RELN: variants seen among roughly 807,000 people sequenced by gnomAD.
RELN encodes reelin.
RELN carries 108 observed loss-of-function variants against 427.6 expected under a neutral mutation model. The ratio of observed to expected loss-of-function variants is 0.25; its 90% CI spans 0.22 to 0.30. The LOEUF is 0.30. RELN is among the 10% of genes least tolerant of loss of function. The pLI is 1.00. For missense variants in RELN, 3,715 were observed against 4,302.8 expected (o/e 0.86, Z 3.82); for synonymous variants, 1,524 against 1,513.4 (o/e 1.01, Z -0.16).
intron 6 of RELN, among the ~76,000 whole-genome samples, chr7:103,744,362 G>A (rs1302719895): frequency 1.3e-5 from 2 of 151,958 alleles, no homozygotes; most frequent in South Asian, 2.1e-4. Flanking sequence ...AACTAGAAAA[G>A]CAAGAGCAAA....
intron 8 of RELN, among the ~76,000 whole-genome samples, chr7:103,713,948 C>T (rs1314244418): frequency 1.3e-5 from 2 of 152,154 alleles, no homozygotes; most frequent in African/African-American, 4.8e-5. Context: ...TATTAGCTCT[C>T]TTGACCCACG....
intron 11 of RELN, among the ~76,000 whole-genome samples, chr7:103,665,995 A>G (rs1833256978): frequency 6.6e-6 from 1 of 151,758 alleles, no homozygotes; most frequent in African/African-American, 2.4e-5. Context: ...TTTTACCTTT[A>G]TAGTTAATAC....
intron 2 of RELN, among the ~76,000 whole-genome samples, chr7:103,853,761 A>G (rs1338513784): frequency 6.6e-6 from 1 of 152,008 alleles, no homozygotes; most frequent in Non-Finnish European, 1.5e-5. Context: ...ACATGAGTTT[A>G]TTATATAATT....
At chr7:103,609,804 T>C (rs1831907125) in intron 22 of RELN, among the ~76,000 whole-genome samples, 1 of 152,220 alleles carries the variant, frequency 6.6e-6, no homozygotes, top group Admixed American at 6.5e-5. Context: ...AGAGCGATTG[T>C]TAGGCAGATA....
chr7:103,500,490 A>AC (rs1197214521), intron 53 of RELN, among the ~76,000 whole-genome samples: 2 of 152,194 alleles, frequency 1.3e-5, no homozygotes, highest in Non-Finnish European at 1.5e-5. Context: ...GAAAAAAAAA[A>AC]GAAACCCAGA....
chr7:103,564,324 G>A lies in RELN; in HGVS notation c.5210+954C>T, dbSNP rs184222421. ...CCACTATAAACACTTAACACAGAAA[G>A]AAATTAGTGCAAGGAATTGGATGTA... On this transcript the variant is annotated intron_variant, in intron 34 of 64. Coordinates refer to ENST00000428762, the MANE Select transcript of RELN (RefSeq NM_005045.4). Among the ~76,000 whole-genome samples the A allele has an allele frequency of 1.9e-3, 294 of 152,352 alleles. 4 individuals are homozygous for A. Among genetic ancestry groups the A allele is most frequent in the African/African-American group, 6.7e-3 (280 of 41,584 alleles).
At chr7:103,639,800 A>G (rs1023793932) in intron 17 of RELN, among the ~76,000 whole-genome samples, 2 of 152,090 alleles carry the variant, frequency 1.3e-5, no homozygotes, top group Non-Finnish European at 2.9e-5. Context: ...GAGGGACAAG[A>G]AAAAGTAGAC....
intron 10 of RELN, among the ~76,000 whole-genome samples, chr7:103,691,981 A>G (rs1256414820): frequency 6.6e-6 from 1 of 152,150 alleles, no homozygotes; most frequent in East Asian, 1.9e-4. Flanking sequence ...GAGGTTAAAT[A>G]GCTTACCCAA....
chr7:103,858,454 T>C (rs899373043), intron 2 of RELN, among the ~76,000 whole-genome samples: 9 of 152,132 alleles, frequency 5.9e-5, no homozygotes, highest in African/African-American at 9.7e-5. Context: ...AAAATTTGAG[T>C]AACCAAGCCA....
Position 103,968,013 on chromosome 7 carries a change from T to C in RELN, c.226+21118A>G, listed in dbSNP as rs528176907. The stretch of plus-strand genomic sequence containing the variant: ...TTTCTCAAACTGTATAGTTTATATA[T>C]AAATATAAAATATATTTTGTATATA... On this transcript the variant is annotated intron_variant, in intron 1 of 64. Transcript: ENST00000428762. The surrounding 1 kb of genome is among the most constrained non-coding windows in gnomAD (Gnocchi z 4.3). Among the ~76,000 whole-genome samples, 78 of 149,112 alleles carry C rather than the reference T, an allele frequency of 5.2e-4. No homozygotes were observed. The highest frequency in any genetic ancestry group is 8.6e-4 in the Non-Finnish European group (58 of 67,364).
At chr7:103,546,792 T>A (rs1830306579) in intron 41 of RELN, among the ~76,000 whole-genome samples, 1 of 152,230 alleles carries the variant, frequency 6.6e-6, no homozygotes, top group African/African-American at 2.4e-5. Context: ...AAAGTCCTTA[T>A]GAGCCAAACT....
chr7:103,950,729 T>C (rs1796314508), intron 1 of RELN, among the ~76,000 whole-genome samples: 1 of 152,218 alleles, frequency 6.6e-6, no homozygotes, highest in South Asian at 2.1e-4. Flanking sequence ...TTATAAACAA[T>C]TTTGACTTTT....
In RELN at chr7:103,593,771, A is replaced by T. The variant is rs112494578; in HGVS notation, c.3823T>A (p.Ser1275Thr). 1 of 1,613,704 alleles carries T rather than the reference A, an allele frequency of 6.2e-7. No individual in the cohort carries two copies. Among genetic ancestry groups the T allele is most frequent in the Non-Finnish European group, 8.5e-7 (1 of 1,179,634 alleles). ...TCTGATTTTCCAAATATCATTGCTG[A>T]TGGTGTGGCAGCACAGAAGGTTTCA... ...KNETFCAATP[S>T]AMIFGKSDGD... Residue 1275 changes from serine to threonine, a missense_variant, in exon 27 of 65, where the codon TCA (serine) becomes ACA (threonine). Ser to Thr is a moderately conservative substitution (Grantham distance 58). Around this residue, in one of 4 missense-constraint regions of RELN, gnomAD observed 2,208 missense variants for 2,361.7 expected, o/e 0.93. Transcript: ENST00000428762.
intron 10 of RELN, among the ~76,000 whole-genome samples, chr7:103,683,320 G>A (rs374484565): frequency 6.6e-6 from 1 of 151,890 alleles, no homozygotes; most frequent in South Asian, 2.1e-4. Flanking sequence ...ATTAAAAAAT[G>A]TTTGTTAAAT....
At chr7:103,683,319 T>C (rs1309119769) in intron 10 of RELN, among the ~76,000 whole-genome samples, 2 of 152,054 alleles carry the variant, frequency 1.3e-5, no homozygotes, top group South Asian at 2.1e-4. Flanking sequence ...CATTAAAAAA[T>C]GTTTGTTAAA....
In RELN at chr7:103,574,932, C is replaced by A. The variant is rs116522061; in HGVS notation, c.4303+616G>T. 6.7e-3 allele frequency among the ~76,000 whole-genome samples: 1,020 copies of A among 152,298 alleles called. 9 individuals carry two copies. The highest frequency in any genetic ancestry group is 0.024 in the African/African-American group (982 of 41,566). The stretch of plus-strand genomic sequence containing the variant: ...CCAAAGGTCACTGTGCTCAGAGATA[C>A]TTTTTTTGTAAAGTACTCTTTTGGC... On this transcript the variant is annotated intron_variant, in intron 29 of 64. Coordinates refer to ENST00000428762, the MANE Select transcript of RELN (RefSeq NM_005045.4).
intron 45 of RELN, among the ~76,000 whole-genome samples, chr7:103,536,071 C>A (rs1830043994): frequency 6.6e-6 from 1 of 152,072 alleles, no homozygotes; most frequent in South Asian, 2.1e-4. Flanking sequence ...TCCTGACCAA[C>A]TAATGTCAAT....
At chr7:103,570,600 T>C (rs1830859590) in intron 31 of RELN, among the ~76,000 whole-genome samples, 2 of 152,222 alleles carry the variant, frequency 1.3e-5, no homozygotes, top group South Asian at 2.1e-4. Flanking sequence ...GATCTACCCT[T>C]AGGTGGTCAT....
At chr7:103,601,779 C>G (rs1831674702) in intron 24 of RELN, among the ~76,000 whole-genome samples, 1 of 152,292 alleles carries the variant, frequency 6.6e-6, no homozygotes, top group South Asian at 2.1e-4. Context: ...GTGGTTACCC[C>G]TCTCGCATCC....
Sources: gnomAD v4.1 joint callset for allele counts (sites outside exome capture counted in the v4.1 genomes callset) on GRCh38, gnomAD v4.1.1 for gene constraint, gnomAD v4.1.1 regional missense constraint, Gnocchi (gnomAD v3.1) non-coding constraint, MANE v1.5 for transcripts, NCBI Gene and HGNC (gene_info 2026-07-23, HGNC 2026-07-21) for gene names.